Variants in SLC71A1 observed in about 807,000 individuals in gnomAD.
SLC71A1 encodes hippocampus abundant gene transcript 1.
chr1:100,062,085 T>C, the SLC71A1 span: 2 of 577,926 alleles, frequency 3.5e-6, no homozygotes, highest in Non-Finnish European at 6.0e-6. Context: ...AAATCATTCA[T>C]TAGACTACAT....
the SLC71A1 span, among the ~76,000 whole-genome samples, chr1:100,056,734 G>T: frequency 6.6e-6 from 1 of 152,278 alleles, no homozygotes; most frequent in South Asian, 2.1e-4. Flanking sequence ...TCATATGGTA[G>T]CTCCATTTTT....
At chr1:100,069,507 TA>T in the SLC71A1 span, 8 of 678,000 alleles carry the variant, frequency 1.2e-5, no homozygotes, top group South Asian at 1.8e-5. Flanking sequence ...GAATTACATT[TA>T]TTTTTTTCTG....
At chr1:100,066,388 C>T in the SLC71A1 span, among the ~76,000 whole-genome samples, 1 of 152,218 alleles carries the variant, frequency 6.6e-6, no homozygotes, top group Non-Finnish European at 1.5e-5. Context: ...ACTCCTTTCA[C>T]AGAGAGCACT....
chr1:100,062,134 ATTC>A, the SLC71A1 span: 1 of 478,852 alleles, frequency 2.1e-6, no homozygotes, highest in Non-Finnish European at 3.7e-6. Flanking sequence ...GTAAGTTTTG[ATTC>A]TTTTCATTTA....
chr1:100,051,475 A>G, the SLC71A1 span, among the ~76,000 whole-genome samples: 2 of 136,728 alleles, frequency 1.5e-5, no homozygotes, highest in Non-Finnish European at 1.6e-5. Flanking sequence ...TTTTTTTTTT[A>G]GTTTACTGAT....
chr1:100,065,200 T>A, the SLC71A1 span, among the ~76,000 whole-genome samples: 1 of 152,144 alleles, frequency 6.6e-6, no homozygotes, highest in Non-Finnish European at 1.5e-5. Flanking sequence ...TGCTGTGTAG[T>A]GTATTCTTAT....
chr1:100,062,743 T>G, the SLC71A1 span, among the ~76,000 whole-genome samples: 1 of 152,052 alleles, frequency 6.6e-6, no homozygotes, highest in Non-Finnish European at 1.5e-5. Context: ...ATAAGATTTT[T>G]GGGGAGGAAA....
At chr1:100,070,753 T>C in the SLC71A1 span, among the ~76,000 whole-genome samples, 1 of 152,210 alleles carries the variant, frequency 6.6e-6, no homozygotes, top group African/African-American at 2.4e-5. Flanking sequence ...TTTGGCTTTC[T>C]GTTTCTAAGA....
the SLC71A1 span, among the ~76,000 whole-genome samples, chr1:100,039,558 GTTC>G: frequency 0.01 from 1,595 of 152,254 alleles, 15 homozygotes; most frequent in Middle Eastern, 0.058. Flanking sequence ...AATTCCTCAA[GTTC>G]TTTTTATTGA....
the SLC71A1 span, among the ~76,000 whole-genome samples, chr1:100,053,173 T>A: frequency 6.6e-6 from 1 of 152,230 alleles, no homozygotes; most frequent in Non-Finnish European, 1.5e-5. Context: ...ATGGGCTTTT[T>A]AAAAAGGTTT....
the SLC71A1 span, among the ~76,000 whole-genome samples, chr1:100,052,763 TTTTTC>T: frequency 6.8e-6 from 1 of 147,818 alleles, no homozygotes; most frequent in Non-Finnish European, 1.5e-5. Context: ...TTTTGTTTTC[TTTTTC>T]TTTTTTTTTT....
the SLC71A1 span, among the ~76,000 whole-genome samples, chr1:100,069,918 A>G: frequency 6.6e-6 from 1 of 152,188 alleles, no homozygotes. Flanking sequence ...ATACTAGGAT[A>G]TATGTCTGGA....
chr1:100,038,784 G>T, the SLC71A1 span, among the ~76,000 whole-genome samples: 4 of 152,252 alleles, frequency 2.6e-5, no homozygotes, highest in Non-Finnish European at 5.9e-5. Context: ...CTGGCGCGGG[G>T]ATCCCGCTGC....
the SLC71A1 span, among the ~76,000 whole-genome samples, chr1:100,057,745 T>G: frequency 6.6e-6 from 1 of 152,236 alleles, no homozygotes; most frequent in African/African-American, 2.4e-5. Context: ...GGAGCAATTC[T>G]GATCCTTCTA....
the SLC71A1 span, chr1:100,068,125 C>T: frequency 6.2e-6 from 10 of 1,614,044 alleles, no homozygotes; most frequent in South Asian, 2.2e-5. Context: ...GTGCCAGAGT[C>T]GTTGCCTGAG....
the SLC71A1 span, among the ~76,000 whole-genome samples, chr1:100,057,269 A>G: frequency 6.6e-6 from 1 of 150,442 alleles, no homozygotes; most frequent in Non-Finnish European, 1.5e-5. Context: ...ATCACATACT[A>G]TTTTTATAAA....
chr1:100,054,718 T>TA, the SLC71A1 span, among the ~76,000 whole-genome samples: 2 of 152,050 alleles, frequency 1.3e-5, no homozygotes, highest in African/African-American at 4.8e-5. Context: ...TTTTTAAAGT[T>TA]AAAAAAAAGT....
At chr1:100,055,465 A>T in the SLC71A1 span, among the ~76,000 whole-genome samples, 1 of 151,898 alleles carries the variant, frequency 6.6e-6, no homozygotes, top group East Asian at 1.9e-4. Flanking sequence ...TACTTAGTTA[A>T]TGCATGCAGT....
the SLC71A1 span, chr1:100,038,417 C>A: frequency 8.4e-6 from 8 of 956,564 alleles, no homozygotes; most frequent in East Asian, 2.1e-4. Flanking sequence ...GTGCCTCCCT[C>A]CCTTCCCCCA....
Sources: gnomAD v4.1 joint callset for allele counts (sites outside exome capture counted in the v4.1 genomes callset) on GRCh38, gnomAD v4.1.1 for gene constraint, MANE v1.5 for transcripts, NCBI Gene and HGNC (gene_info 2026-07-23, HGNC 2026-07-21) for gene names.